TERF1: variants seen among roughly 807,000 people sequenced by gnomAD.
TERF1 encodes telomeric repeat-binding factor 1.
A neutral mutation model predicts 55.1 loss-of-function variants in TERF1; 20 were observed. The observed-to-expected ratio is 0.36, with a 90% CI of 0.26 to 0.53. TERF1 has a LOEUF of 0.53. Among genes scored for constraint, TERF1 ranks in the 20% least tolerant of loss-of-function variants. The pLI is 0.91. For missense variants in TERF1, 439 were observed against 535.7 expected, an observed-to-expected ratio of 0.82 and a Z score of 1.78; for synonymous variants, 168 against 181.2, an observed-to-expected ratio of 0.93 and a Z score of 0.59.
intron 8 of TERF1, among the ~76,000 whole-genome samples, chr8:73,037,473 T>C (rs976153690): frequency 7.4e-5 from 9 of 121,980 alleles, no homozygotes; most frequent in Non-Finnish European, 1.5e-4. Context: ...ATATAAAATA[T>C]ATTAAATATA....
intron 2 of TERF1, among the ~76,000 whole-genome samples, chr8:73,017,883 A>G (rs571402093): frequency 6.6e-6 from 1 of 151,974 alleles, no homozygotes; most frequent in Non-Finnish European, 1.5e-5. Context: ...TTCTATTATT[A>G]GTAGAGACAG....
rs1330340442 is a variant in TERF1, at chr8:73,009,038, TGGGGGCCCCCGAGGA to T, written c.155_169del (p.Gly52_Glu56del). ...GAACTGCTCGAGTGCCAGGTGCAGG[TGGGGGCCCCCGAGGA>T]GGAGGAGGAGGAGGAGGAGGACGCG... On this transcript the variant is annotated inframe_deletion, in exon 1 of 10. Coordinates refer to ENST00000276603, the MANE Select transcript of TERF1 (RefSeq NM_017489.3). 6.2e-7 allele frequency: 1 copy of T among 1,610,148 alleles called. No homozygotes were observed. The highest frequency in any genetic ancestry group is 8.5e-7 in the Non-Finnish European group (1 of 1,178,722).
intron 9 of TERF1, among the ~76,000 whole-genome samples, chr8:73,042,138 A>T (rs1448834996): frequency 6.6e-6 from 1 of 152,144 alleles, no homozygotes; most frequent in African/African-American, 2.4e-5. Flanking sequence ...AGCTCTTCAC[A>T]TGTTAGATTG....
intron 1 of TERF1, chr8:73,011,087 G>A (rs1006398833): frequency 2.0e-5 from 3 of 152,184 alleles, no homozygotes; most frequent in Admixed American, 1.3e-4. Flanking sequence ...AAGATTTTCA[G>A]AATGAGAAAT....
At chr8:73,012,659 G>A (rs972680893) in intron 1 of TERF1, among the ~76,000 whole-genome samples, 5 of 151,486 alleles carry the variant, frequency 3.3e-5, no homozygotes, top group South Asian at 4.2e-4. Flanking sequence ...GCGACAGAGC[G>A]TGACTCTGTC....
At chr8:73,020,613 A>G (rs1161407221) in intron 2 of TERF1, 71 bp from the exon 3 acceptor site, 2 of 1,336,896 alleles carry the variant, frequency 1.5e-6, no homozygotes, top group Non-Finnish European at 2.1e-6. Flanking sequence ...ATTTAAAGGA[A>G]TGCATTATTA....
rs1176693583 is a variant in TERF1, at chr8:73,039,129, A to G, written c.1053A>G (p.Lys351=). 1 of 1,583,110 alleles carries G rather than the reference A, an allele frequency of 6.3e-7. No homozygotes were observed. Among genetic ancestry groups the G allele is most frequent in the African/African-American group, 1.4e-5 (1 of 73,252 alleles). ...TTCTACTTTTAGGTACAAAAAAGAA[A>G]AAAGAAAGCAGAAGAGCCACTGAAA... The part of the protein sequence containing the change: ...RVGTPQSTKK[K]KESRRATESR... Residue 351 remains lysine (K), a synonymous_variant, in exon 9 of 10, where the codon AAA becomes AAG. Coordinates refer to ENST00000276603, the MANE Select transcript of TERF1 (RefSeq NM_017489.3).
chr8:73,026,840 A>G (rs1809027818), intron 5 of TERF1, 100 bp from the exon 6 acceptor site: 1 of 871,502 alleles, frequency 1.1e-6, no homozygotes, highest in South Asian at 1.5e-5. Flanking sequence ...TACATTAGCT[A>G]TGACTATCAA....
intron 6 of TERF1, among the ~76,000 whole-genome samples, chr8:73,029,604 C>CA (rs796171327): frequency 9.4e-4 from 128 of 135,990 alleles, no homozygotes; most frequent in South Asian, 6.7e-3. Flanking sequence ...GAGACCCTGT[C>CA]AAAAAAAAAA....
chr8:73,040,509 C>T lies in TERF1; in HGVS notation c.1143+1290C>T, dbSNP rs192510962. Among the ~76,000 whole-genome samples the T allele has an allele frequency of 1.1e-4, 16 of 152,234 alleles. No homozygotes were observed. The East Asian group carries it at 2.7e-3, about 26-fold the overall frequency. On this transcript the variant is annotated intron_variant, in intron 9 of 9. Transcript: ENST00000276603. The stretch of plus-strand genomic sequence containing the variant: ...GAGGGAAATGCTAACCTTATGCTAC[C>T]ATATGTGACCACAGTCATGCATATG...
intron 9 of TERF1, among the ~76,000 whole-genome samples, chr8:73,043,937 G>T (rs1372148416): frequency 6.6e-6 from 1 of 152,148 alleles, no homozygotes; most frequent in Non-Finnish European, 1.5e-5. Flanking sequence ...GAGTTGATAG[G>T]CTCTTTAAAG....
intron 5 of TERF1, among the ~76,000 whole-genome samples, chr8:73,026,216 A>G (rs1474295023): frequency 3.7e-5 from 5 of 136,222 alleles, no homozygotes; most frequent in Non-Finnish European, 7.9e-5. Flanking sequence ...ACACATTTCT[A>G]GTCAGGCGCG....
Position 73,009,224 on chromosome 8 carries a change from C to T in TERF1, c.319+19C>T. 6.3e-7 allele frequency: 1 copy of T among 1,595,040 alleles called. No individual in the cohort carries two copies. On this transcript the variant is annotated intron_variant, in intron 1 of 9. Coordinates refer to ENST00000276603, the MANE Select transcript of TERF1 (RefSeq NM_017489.3). ...GCAGAGGGTGAGTGCAGACCGCGTC[C>T]GGGCCGGGACTACGCGGGGGGCGGA...
At chr8:73,026,831 A>G (rs1443430647) in intron 5 of TERF1, 109 bp from the exon 6 acceptor site, 3 of 805,570 alleles carry the variant, frequency 3.7e-6, no homozygotes, top group East Asian at 5.4e-5. Flanking sequence ...GTGAACAGAT[A>G]CATTAGCTAT....
chr8:73,023,843 A>G (rs553878251), intron 4 of TERF1, among the ~76,000 whole-genome samples: 9 of 152,226 alleles, frequency 5.9e-5, no homozygotes, highest in Non-Finnish European at 1.3e-4. Flanking sequence ...ACTGCCTGCC[A>G]TAACTTCCTT....
chr8:73,034,058 C>G (rs1563469133), intron 8 of TERF1, among the ~76,000 whole-genome samples: 2 of 152,082 alleles, frequency 1.3e-5, no homozygotes, highest in African/African-American at 4.8e-5. Flanking sequence ...CTCAGTTGAT[C>G]CTCCCACCTC....
intron 3 of TERF1, 132 bp from the exon 4 acceptor site, chr8:73,022,084 A>T (rs1808784374): frequency 3.7e-6 from 2 of 538,742 alleles, no homozygotes; most frequent in Non-Finnish European, 6.5e-6. Context: ...ATCTTTTATC[A>T]AATTAAAATT....
intron 4 of TERF1, 114 bp downstream of exon 4, chr8:73,022,416 A>G (rs1301241980): frequency 1.8e-6 from 1 of 545,144 alleles, no homozygotes; most frequent in African/African-American, 2.0e-5. Context: ...AGTATAGAAT[A>G]ATACCGTGCA....
At chr8:73,034,366 A>G (rs1809421137) in intron 8 of TERF1, among the ~76,000 whole-genome samples, 1 of 151,886 alleles carries the variant, frequency 6.6e-6, no homozygotes, top group South Asian at 2.1e-4. Context: ...TCCTAACCTC[A>G]GGCAATCCGC....
Sources: gnomAD v4.1 joint callset for allele counts (sites outside exome capture counted in the v4.1 genomes callset) on GRCh38, gnomAD v4.1.1 for gene constraint, MANE v1.5 for transcripts, NCBI Gene and HGNC (gene_info 2026-07-23, HGNC 2026-07-21) for gene names.